The following SPOCK1 variants were observed in gnomAD, a reference collection of about 807,000 sequenced individuals.
SPOCK1 encodes the protein testican-1.
A neutral mutation model predicts 55.3 loss-of-function variants in SPOCK1; 23 were observed. The ratio of observed to expected loss-of-function variants is 0.42; its 90% CI spans 0.30 to 0.59. The LOEUF (loss-of-function observed/expected upper bound fraction) is 0.59. SPOCK1 is among the 20% of genes least tolerant of loss of function. SPOCK1 has a pLI of 0.22. For synonymous variants in SPOCK1, 226 were observed against 221.0 expected (o/e 1.02, Z -0.20); for missense variants, 499 against 552.5 (o/e 0.90, Z 0.97).
chr5:137,002,249 T>C (rs970459480), intron 6 of SPOCK1, among the ~76,000 whole-genome samples: 2 of 152,184 alleles, frequency 1.3e-5, no homozygotes, highest in Non-Finnish European at 2.9e-5. Flanking sequence ...TTAAGACTAT[T>C]CTAGGTAAGC....
intron 5 of SPOCK1, among the ~76,000 whole-genome samples, chr5:137,093,602 G>T (rs1029172826): frequency 6.6e-6 from 1 of 152,196 alleles, no homozygotes. Flanking sequence ...AAAGTAATGA[G>T]GGGAAGACAG....
intron 5 of SPOCK1, among the ~76,000 whole-genome samples, chr5:137,072,707 C>T (rs2127008799): frequency 6.6e-6 from 1 of 152,332 alleles, no homozygotes; most frequent in East Asian, 1.9e-4. Context: ...TCTACCACAC[C>T]ACACTCTGCT....
intron 7 of SPOCK1, among the ~76,000 whole-genome samples, chr5:136,989,376 G>A (rs1238380418): frequency 1.3e-5 from 2 of 152,204 alleles, no homozygotes; most frequent in Non-Finnish European, 2.9e-5. Flanking sequence ...GTCTACTGTA[G>A]ACATGTCCCA....
chr5:137,409,540 A>G (rs1477893210), intron 2 of SPOCK1, among the ~76,000 whole-genome samples: 1 of 152,234 alleles, frequency 6.6e-6, no homozygotes, highest in Admixed American at 6.5e-5. Context: ...GTAAAATGGC[A>G]TAATGATAGT....
At chr5:137,159,305 A>G (rs1271778410) in intron 3 of SPOCK1, among the ~76,000 whole-genome samples, 1 of 152,242 alleles carries the variant, frequency 6.6e-6, no homozygotes, top group Non-Finnish European at 1.5e-5. Flanking sequence ...AGGCCATAGA[A>G]TAAATACCTT....
At chr5:137,286,546 T>G (rs188891853) in intron 2 of SPOCK1, among the ~76,000 whole-genome samples, 1 of 152,264 alleles carries the variant, frequency 6.6e-6, no homozygotes, top group Admixed American at 6.5e-5. Flanking sequence ...TATTTCTTAC[T>G]AGGCCCATGG....
intron 3 of SPOCK1, among the ~76,000 whole-genome samples, chr5:137,244,630 G>C (rs866490977): frequency 6.6e-6 from 1 of 152,158 alleles, no homozygotes; most frequent in Non-Finnish European, 1.5e-5. Flanking sequence ...CCCACCAGAC[G>C]ACAGAGTCCC....
chr5:137,453,777 G>A (rs1753308953), intron 2 of SPOCK1, among the ~76,000 whole-genome samples: 1 of 152,166 alleles, frequency 6.6e-6, no homozygotes, highest in African/African-American at 2.4e-5. Flanking sequence ...AGCGAGACAT[G>A]ATCAAGGTGT....
chr5:137,187,678 A>G (rs1259274048), intron 3 of SPOCK1, among the ~76,000 whole-genome samples: 2 of 152,144 alleles, frequency 1.3e-5, no homozygotes, highest in Non-Finnish European at 2.9e-5. Flanking sequence ...CGCTCACTCT[A>G]GGCATGCTCC....
At chr5:137,307,012 T>A (rs1456023574) in intron 2 of SPOCK1, among the ~76,000 whole-genome samples, 1 of 152,220 alleles carries the variant, frequency 6.6e-6, no homozygotes, top group Non-Finnish European at 1.5e-5. Context: ...CCCATCCTGA[T>A]GTCAGACTCC....
intron 3 of SPOCK1, among the ~76,000 whole-genome samples, chr5:137,232,582 A>G (rs779214867): frequency 6.6e-6 from 1 of 152,186 alleles, no homozygotes; most frequent in Non-Finnish European, 1.5e-5. Context: ...TGATTACTGT[A>G]GCTATACAGT....
chr5:137,410,024 C>A (rs1043805722), intron 2 of SPOCK1, among the ~76,000 whole-genome samples: 10 of 152,238 alleles, frequency 6.6e-5, no homozygotes, highest in African/African-American at 1.9e-4. Context: ...TGAGCCACCT[C>A]CCACTGCCAC....
chr5:137,244,096 G>T (rs1468300991), intron 3 of SPOCK1, among the ~76,000 whole-genome samples: 1 of 152,148 alleles, frequency 6.6e-6, no homozygotes, highest in Non-Finnish European at 1.5e-5. Flanking sequence ...TAAAAATTCA[G>T]TGAGTATAAA....
At chr5:136,982,379 T>TAAA (rs1750749513) in intron 9 of SPOCK1, among the ~76,000 whole-genome samples, 2 of 152,358 alleles carry the variant, frequency 1.3e-5, no homozygotes, top group Middle Eastern at 3.4e-3. Flanking sequence ...TCAATAATAA[T>TAAA]AAATGTGTTT....
intron 5 of SPOCK1, among the ~76,000 whole-genome samples, chr5:137,072,367 A>G (rs1752636979): frequency 6.6e-6 from 1 of 152,244 alleles, no homozygotes. Flanking sequence ...TATTATAAAT[A>G]CAAACCCCTG....
At chr5:137,470,334 C>T (rs145985827) in intron 2 of SPOCK1, among the ~76,000 whole-genome samples, 12 of 152,228 alleles carry the variant, frequency 7.9e-5, no homozygotes, top group African/African-American at 2.4e-4. Context: ...GGTATTTTTA[C>T]GAAAAGAGGT....
At chr5:137,226,521 G>A (rs1333550673) in intron 3 of SPOCK1, among the ~76,000 whole-genome samples, 1 of 152,178 alleles carries the variant, frequency 6.6e-6, no homozygotes, top group Non-Finnish European at 1.5e-5. Flanking sequence ...CCTCCACTGT[G>A]CTTTACCCAC....
chr5:137,399,370 T>C (rs541166341), intron 2 of SPOCK1, among the ~76,000 whole-genome samples: 1 of 97,962 alleles, frequency 1.0e-5, no homozygotes, highest in South Asian at 2.7e-4. Context: ...TTGTTTGTTG[T>C]TGTTGTTGTT....
In SPOCK1 at chr5:137,167,007, A is replaced by G. The variant is rs190752642; in HGVS notation, c.233-26313T>C. On this transcript the variant is annotated intron_variant, in intron 3 of 10. Coordinates refer to ENST00000394945, the MANE Select transcript of SPOCK1 (RefSeq NM_004598.4). The stretch of plus-strand genomic sequence containing the variant: ...GAAAGTAAGTGGACTAAACTCTCCA[A>G]TGAAAAGTCATAGAGTGGCTGAATG... Among the ~76,000 whole-genome samples the G allele has an allele frequency of 9.9e-5, 15 of 152,202 alleles. No individual in the cohort carries two copies. The South Asian group carries it at 1.7e-3, about 17-fold the overall frequency.
Sources: allele counts gnomAD v4.1 joint callset (sites outside exome capture counted in the v4.1 genomes callset), GRCh38; gene constraint gnomAD v4.1.1; transcripts MANE v1.5; gene names NCBI Gene and HGNC (gene_info 2026-07-23, HGNC 2026-07-21).